The following NEMF variants were observed in gnomAD, a reference collection of about 807,000 sequenced individuals.
NEMF encodes ribosome quality control complex subunit NEMF.
A neutral mutation model predicts 162.2 loss-of-function variants in NEMF; 89 were observed. That is an observed-to-expected ratio of 0.55 (90% CI 0.46 to 0.65). NEMF has a LOEUF of 0.65. Ranked by LOEUF, NEMF falls within the 30% of genes least tolerant of loss-of-function variation. The pLI is 0.00. For synonymous variants in NEMF, 421 were observed against 404.5 expected, an observed-to-expected ratio of 1.04 and a Z score of -0.49; for missense variants, 1,133 against 1,261.9, an observed-to-expected ratio of 0.90 and a Z score of 1.55.
intron 10 of NEMF, 134 bp from the exon 11 acceptor site, chr14:49,831,495 T>G: frequency 1.7e-6 from 1 of 598,182 alleles, no homozygotes; most frequent in Non-Finnish European, 3.0e-6. Flanking sequence ...GGGACTGCAG[T>G]GGCGCGATCT....
At chr14:49,839,241 C>T (rs1594798718) in intron 5 of NEMF, among the ~76,000 whole-genome samples, 2 of 151,716 alleles carry the variant, frequency 1.3e-5, no homozygotes, top group Non-Finnish European at 2.9e-5. Flanking sequence ...CCATGCCCGG[C>T]TAATTTTTTT....
intron 18 of NEMF, among the ~76,000 whole-genome samples, chr14:49,813,129 A>G (rs1891556197): frequency 6.6e-6 from 1 of 152,146 alleles, no homozygotes; most frequent in Non-Finnish European, 1.5e-5. Context: ...TTTCATGTGC[A>G]CTTAAGAATA....
At chr14:49,812,992 G>C (rs999085547) in intron 18 of NEMF, among the ~76,000 whole-genome samples, 3 of 151,960 alleles carry the variant, frequency 2.0e-5, no homozygotes, top group Admixed American at 2.0e-4. Flanking sequence ...AGCCAGGTTG[G>C]TCTCAACCTC....
chr14:49,798,192 A>T (rs1890779804), intron 25 of NEMF, among the ~76,000 whole-genome samples: 1 of 152,268 alleles, frequency 6.6e-6, no homozygotes, highest in South Asian at 2.1e-4. Flanking sequence ...AAATTCATAA[A>T]CTATAGTCAT....
At chr14:49,791,735 TA>T (rs10586126) in intron 26 of NEMF, among the ~76,000 whole-genome samples, 32 of 141,110 alleles carry the variant, frequency 2.3e-4, no homozygotes, top group African/African-American at 8.4e-4. Flanking sequence ...AGACTCCATT[TA>T]AAAAAAAAAA....
At position 49,802,469 on chromosome 14, in the gene NEMF, T is replaced by C; in HGVS notation, c.2079A>G (p.Glu693=). 1 of 1,613,362 alleles carries C rather than the reference T, an allele frequency of 6.2e-7. No homozygotes were observed. Among genetic ancestry groups the C allele is most frequent in the Non-Finnish European group, 8.5e-7 (1 of 1,179,762 alleles). ...LASCTSELIS[E]EMEQLDGGDT... is the part of the protein sequence containing the mutation. The stretch of plus-strand genomic sequence containing the variant: ...ATAAACTACCTAATTGTTCCATTTC[T>C]TCTGATATGAGTTCACTTGTACAAC... The change falls in exon 22 of 33, where the codon GAA becomes GAG. Residue 693 remains glutamate, a synonymous_variant. Coordinates refer to ENST00000298310, the MANE Select transcript of NEMF (RefSeq NM_004713.6).
intron 10 of NEMF, 74 bp from the exon 11 acceptor site, chr14:49,831,435 ATT>A (rs11365862): frequency 7.9e-5 from 61 of 770,906 alleles, no homozygotes; most frequent in African/African-American, 5.8e-4. Flanking sequence ...ACAGAATTTT[ATT>A]TTTTTTTTCT....
chr14:49,840,614 G>T, intron 5 of NEMF, 104 bp downstream of exon 5: 1 of 928,980 alleles, frequency 1.1e-6, no homozygotes. Context: ...TTCACGTTCT[G>T]ACATATGACC....
At position 49,825,813 on chromosome 14, in the gene NEMF, A is replaced by G. The variant is rs772502937; in HGVS notation, c.1577+54T>C. 3.5e-6 allele frequency: 4 copies of G among 1,151,168 alleles called. No individual in the cohort carries two copies. The South Asian group carries it at 4.0e-5, about 12-fold the overall frequency. 71.3% of individuals were successfully genotyped at this position (1,151,168 alleles called of 1,614,324 possible). On this transcript the variant is annotated intron_variant, in intron 16 of 32. Transcript: ENST00000298310. ...TGTTTGACTTTTCTAAACAATGTGC[A>G]TGGATAATTTTAATAAAAACAAAAA...
chr14:49,828,172 A>T, intron 15 of NEMF, 119 bp downstream of exon 15: 1 of 777,334 alleles, frequency 1.3e-6, no homozygotes, highest in Non-Finnish European at 2.2e-6. Context: ...TTTAAAGCAA[A>T]GTTAAGTTTG....
Position 49,782,345 on chromosome 14 carries a change from A to G in NEMF, c.*2291T>C, listed in dbSNP as rs1326376391. The G allele has an allele frequency of 1.3e-6, 2 of 1,565,428 alleles. No homozygotes were observed. Among genetic ancestry groups the G allele is most frequent in the African/African-American group, 2.7e-5 (2 of 73,428 alleles). ...GCCAACTGGTGTTCTGGGTGGCTTC[A>G]AACTCGTTTTTGTTTTAAATGCAGG... On this transcript the variant is annotated 3_prime_UTR_variant, in exon 33 of 33. Coordinates refer to ENST00000298310, the MANE Select transcript of NEMF (RefSeq NM_004713.6).
intron 3 of NEMF, among the ~76,000 whole-genome samples, chr14:49,847,323 T>TCC (rs1566714057): frequency 6.6e-6 from 1 of 151,902 alleles, no homozygotes; most frequent in Non-Finnish European, 1.5e-5. Context: ...TGCCTCACCC[T>TCC]CCCAAGAGTA....
intron 6 of NEMF, among the ~76,000 whole-genome samples, chr14:49,835,212 C>A (rs1226100232): frequency 2.6e-5 from 2 of 77,666 alleles, no homozygotes. Context: ...CGCCCCACCC[C>A]GCAACCAAAA....
chr14:49,819,253 A>G (rs537245553), intron 16 of NEMF, among the ~76,000 whole-genome samples: 4 of 152,246 alleles, frequency 2.6e-5, no homozygotes, highest in African/African-American at 9.6e-5. Flanking sequence ...CATATTGGAA[A>G]TTTGCTGAGA....
chr14:49,794,343 T>G (rs1242436302), intron 26 of NEMF, among the ~76,000 whole-genome samples: 2 of 152,194 alleles, frequency 1.3e-5, no homozygotes, highest in Non-Finnish European at 2.9e-5. Flanking sequence ...ATATTTTTAT[T>G]AGGTTGAGTC....
intron 16 of NEMF, among the ~76,000 whole-genome samples, chr14:49,821,872 G>C (rs910167445): frequency 6.6e-6 from 1 of 152,118 alleles, no homozygotes; most frequent in Non-Finnish European, 1.5e-5. Flanking sequence ...TAGAAAAGGG[G>C]GCAAGGTGGG....
chr14:49,827,027 C>A (rs888420253), intron 15 of NEMF, among the ~76,000 whole-genome samples: 1 of 152,022 alleles, frequency 6.6e-6, no homozygotes, highest in African/African-American at 2.4e-5. Context: ...CAGCTAAGAT[C>A]CCAGTGTAGC....
intron 16 of NEMF, among the ~76,000 whole-genome samples, chr14:49,816,034 G>T (rs1046808720): frequency 1.3e-5 from 2 of 152,104 alleles, no homozygotes; most frequent in Admixed American, 6.5e-5. Flanking sequence ...TTCAGTTCCT[G>T]TCACTACACC....
At chr14:49,817,737 CTT>C (rs1021519979) in intron 16 of NEMF, among the ~76,000 whole-genome samples, 1 of 152,098 alleles carries the variant, frequency 6.6e-6, no homozygotes, top group African/African-American at 2.4e-5. Context: ...TAGACAAAGT[CTT>C]TAAAAAAACA....
Sources: gnomAD v4.1 joint callset for allele counts (sites outside exome capture counted in the v4.1 genomes callset) on GRCh38, gnomAD v4.1.1 for gene constraint, MANE v1.5 for transcripts, NCBI Gene and HGNC (gene_info 2026-07-23, HGNC 2026-07-21) for gene names.